The following ADCK1 variants were observed in gnomAD, a reference collection of about 807,000 sequenced individuals.
The protein encoded by ADCK1 is aarF domain containing kinase 1, also known as aarF domain-containing protein kinase 1.
A neutral mutation model predicts 52.3 loss-of-function variants in ADCK1; 41 were observed. That is an observed-to-expected ratio of 0.78 (90% confidence interval 0.61 to 1.02). ADCK1 has a LOEUF of 1.02. ADCK1 is among the 50% of genes least tolerant of loss of function. The pLI is 0.00. For synonymous variants in ADCK1, 250 were observed against 274.6 expected (o/e 0.91, Z 0.89); for missense variants, 658 against 679.5 (o/e 0.97, Z 0.35).
In ADCK1 at chr14:77,887,097, G is replaced by C. The variant is rs2140207834; in HGVS notation, c.430G>C (p.Asp144His). The change falls in exon 5 of 11, where the codon GAT (aspartate) becomes CAT (histidine). Residue 144 changes from aspartate (D) to histidine (H), a missense_variant. Transcript: ENST00000238561. ...IREDLGKEIH[D>H]LFQSFDDTPL... ...TTCTCTCCACTCCCGACAGATCCATGATTTGTTCCAGAGCTTCGATGACAC... is the reference window on the plus strand; with the variant it reads ...TTCTCTCCACTCCCGACAGATCCATCATTTGTTCCAGAGCTTCGATGACAC... 2 of 1,584,598 alleles carry C rather than the reference G, an allele frequency of 1.3e-6. No individual in the cohort carries two copies. Among genetic ancestry groups the C allele is most frequent in the East Asian group, 4.6e-5 (2 of 43,660 alleles).
intron 3 of ADCK1, among the ~76,000 whole-genome samples, chr14:77,827,135 C>T (rs1360681418): frequency 1.3e-5 from 2 of 151,124 alleles, no homozygotes; most frequent in South Asian, 2.1e-4. Context: ...GGGTGGATCA[C>T]GAGGTCAAGA....
chr14:77,895,256 T>C (rs889542241), intron 5 of ADCK1, among the ~76,000 whole-genome samples: 1 of 152,246 alleles, frequency 6.6e-6, no homozygotes, highest in Non-Finnish European at 1.5e-5. Flanking sequence ...TCTCAGGCAT[T>C]CTGAAATTAC....
At chr14:77,925,012 C>T (rs568120083) in intron 8 of ADCK1, among the ~76,000 whole-genome samples, 23 of 152,258 alleles carry the variant, frequency 1.5e-4, no homozygotes, top group African/African-American at 5.3e-4. Flanking sequence ...GGGCAGGCAG[C>T]CAGTGGGGGC....
intron 4 of ADCK1, among the ~76,000 whole-genome samples, chr14:77,885,302 A>G (rs529788884): frequency 6.6e-6 from 1 of 152,304 alleles, no homozygotes; most frequent in South Asian, 2.1e-4. Flanking sequence ...AGAAAAGACA[A>G]GTGTGTTTTT....
intron 4 of ADCK1, among the ~76,000 whole-genome samples, chr14:77,881,068 G>A (rs1435146978): frequency 6.6e-6 from 1 of 152,212 alleles, no homozygotes. Flanking sequence ...GTGTTAGTTA[G>A]CTATTTCCAC....
chr14:77,810,000 T>C (rs2081305482), intron 1 of ADCK1, among the ~76,000 whole-genome samples: 1 of 131,930 alleles, frequency 7.6e-6, no homozygotes, highest in Non-Finnish European at 1.6e-5. Context: ...ATCATACCAA[T>C]GGACTCCAGC....
intron 3 of ADCK1, among the ~76,000 whole-genome samples, chr14:77,837,058 G>A (rs1020214823): frequency 7.2e-5 from 11 of 151,840 alleles, no homozygotes; most frequent in Admixed American, 2.0e-4. Flanking sequence ...AAAGTGAGCC[G>A]CCGTGCCTGG....
Position 77,897,411 on chromosome 14 carries a change from GCC to G in ADCK1, c.583-1687_583-1686del, listed in dbSNP as rs373830611. Among the ~76,000 whole-genome samples the G allele has an allele frequency of 9.8e-5, 15 of 152,296 alleles. No homozygotes were observed. The East Asian group carries it at 2.5e-3, about 25-fold the overall frequency. ...CTTGGGCACCCATCTCAAATCCAGGGCCCTGGTGGTGGGGCAGCCTTAGGATT... is the reference window on the plus strand; with the variant it reads ...CTTGGGCACCCATCTCAAATCCAGGGCTGGTGGTGGGGCAGCCTTAGGATT... On this transcript the variant is annotated intron_variant, in intron 5 of 10. Coordinates refer to ENST00000238561, the MANE Select transcript of ADCK1 (RefSeq NM_020421.4).
In ADCK1 at chr14:77,818,936, C is replaced by A; in HGVS notation, c.-11-32C>A. On this transcript the variant is annotated intron_variant, in intron 1 of 10. Transcript: ENST00000238561. ...TGACTAACTATGAAACTTTTAACTGCTATTCTTTCTCAACTTTCCTTTTTT... is the reference window on the plus strand; with the variant it reads ...TGACTAACTATGAAACTTTTAACTGATATTCTTTCTCAACTTTCCTTTTTT... The A allele has an allele frequency of 3.7e-6, 6 of 1,607,172 alleles. No individual in the cohort carries two copies. In the South Asian group the frequency reaches 6.7e-5, roughly 18 times the overall value.
rs182255246 is a variant in ADCK1, at chr14:77,841,918, A to C, written c.220-17158A>C. Among the ~76,000 whole-genome samples, 343 of 150,524 alleles carry C rather than the reference A, an allele frequency of 2.3e-3. 3 individuals carry two copies. Among genetic ancestry groups the C allele is most frequent in the African/African-American group, 7.5e-3 (307 of 41,024 alleles). On this transcript the variant is annotated intron_variant, in intron 3 of 10. Transcript: ENST00000238561. ...CTCATGCCTGTAATCCCAGCACTTTAGGAGGCTGAGGAAGGAGTGTTACTT... is the reference window on the plus strand; with the variant it reads ...CTCATGCCTGTAATCCCAGCACTTTCGGAGGCTGAGGAAGGAGTGTTACTT...
At chr14:77,803,903 G>A (rs1197079458) in intron 1 of ADCK1, among the ~76,000 whole-genome samples, 1 of 152,194 alleles carries the variant, frequency 6.6e-6, no homozygotes, top group Non-Finnish European at 1.5e-5. Flanking sequence ...GAATGAGTGG[G>A]AAGGCCCTGC....
chr14:77,931,864 A>G (rs1490864625), intron 10 of ADCK1, among the ~76,000 whole-genome samples, 153 bp downstream of exon 10: 2 of 152,086 alleles, frequency 1.3e-5, no homozygotes. Context: ...AAAGTTTGAA[A>G]TGTTTTCTGA....
intron 1 of ADCK1, among the ~76,000 whole-genome samples, chr14:77,805,247 G>T (rs911763022): frequency 8.2e-6 from 1 of 121,564 alleles, no homozygotes; most frequent in African/African-American, 3.1e-5. Flanking sequence ...TTTTGGCTTT[G>T]CATTCTTTTT....
chr14:77,802,718 A>G (rs1566617493), intron 1 of ADCK1, among the ~76,000 whole-genome samples: 1 of 152,200 alleles, frequency 6.6e-6, no homozygotes, highest in Non-Finnish European at 1.5e-5. Context: ...TGGGAAGCCA[A>G]GGCGGGCGGA....
intron 1 of ADCK1, among the ~76,000 whole-genome samples, chr14:77,804,583 G>A (rs2081179369): frequency 6.6e-6 from 1 of 152,038 alleles, no homozygotes; most frequent in African/African-American, 2.4e-5. Flanking sequence ...CAGGAAGAGG[G>A]GGTTCAGGGG....
chr14:77,929,220 C>G (rs925896667), intron 9 of ADCK1, among the ~76,000 whole-genome samples: 1 of 152,158 alleles, frequency 6.6e-6, no homozygotes, highest in Admixed American at 6.5e-5. Flanking sequence ...GAATGTTTTC[C>G]CCAACTAACC....
intron 4 of ADCK1, among the ~76,000 whole-genome samples, chr14:77,877,645 A>G (rs2082929777): frequency 6.6e-6 from 1 of 152,110 alleles, no homozygotes; most frequent in African/African-American, 2.4e-5. Flanking sequence ...CATTCTCCTT[A>G]TTCATGGTTC....
chr14:77,868,815 C>G (rs143975829), intron 4 of ADCK1, among the ~76,000 whole-genome samples: 35 of 152,364 alleles, frequency 2.3e-4, no homozygotes, highest in Non-Finnish European at 4.0e-4. Flanking sequence ...CTGCTATTCT[C>G]TTACCCATGT....
At chr14:77,806,508 A>G (rs947378051) in intron 1 of ADCK1, among the ~76,000 whole-genome samples, 7 of 152,158 alleles carry the variant, frequency 4.6e-5, no homozygotes, top group African/African-American at 1.7e-4. Flanking sequence ...GTCTCTCTCC[A>G]GAGAGATCTA....
Sources: allele counts gnomAD v4.1 joint callset (sites outside exome capture counted in the v4.1 genomes callset), GRCh38; gene constraint gnomAD v4.1.1; transcripts MANE v1.5; gene names NCBI Gene and HGNC (gene_info 2026-07-23, HGNC 2026-07-21).